CEP83: variants seen among roughly 807,000 people sequenced by gnomAD.
CEP83 encodes centrosomal protein of 83 kDa.
In CEP83, 70 loss-of-function variants were observed where a neutral mutation model predicts 101.9. That is an observed-to-expected ratio of 0.69 (90% CI 0.57 to 0.84). The LOEUF (loss-of-function observed/expected upper bound fraction) is 0.84. Among genes scored for constraint, CEP83 ranks in the 40% least tolerant of loss-of-function variants. The pLI is 0.00. For missense variants in CEP83, 715 were observed against 787.2 expected, an observed-to-expected ratio of 0.91 and a Z score of 1.10; for synonymous variants, 264 against 267.9, an observed-to-expected ratio of 0.99 and a Z score of 0.14.
chr12:94,282,251 G>A, the CEP83 span: 5 of 1,281,258 alleles, frequency 3.9e-6, no homozygotes, highest in Non-Finnish European at 5.6e-6. Context: ...AAGTAAAGTG[G>A]TGGCATTTTA....
intron 11 of CEP83, among the ~76,000 whole-genome samples, chr12:94,361,765 G>C (rs891887187): frequency 6.6e-6 from 1 of 151,786 alleles, no homozygotes; most frequent in African/African-American, 2.4e-5. Context: ...GCAATGGCAT[G>C]GTCTCGGCTC....
intron 2 of CEP83, among the ~76,000 whole-genome samples, chr12:94,417,583 G>C (rs2064377878): frequency 6.6e-6 from 1 of 152,124 alleles, no homozygotes; most frequent in Admixed American, 6.5e-5. Flanking sequence ...GAGGTCAGGA[G>C]TTCGAGACCA....
intron 4 of CEP83, among the ~76,000 whole-genome samples, chr12:94,406,806 A>G (rs895948326): frequency 2.6e-5 from 4 of 152,000 alleles, no homozygotes; most frequent in African/African-American, 7.3e-5. Flanking sequence ...GGGCACCTAT[A>G]GTCCCAGCTA....
At chr12:94,376,722 CACACACACACAT>C (rs1198367725) in intron 7 of CEP83, among the ~76,000 whole-genome samples, 1 of 121,902 alleles carries the variant, frequency 8.2e-6, no homozygotes, top group African/African-American at 3.1e-5. Flanking sequence ...CACACACACA[CACACACACACAT>C]ATATATATAT....
At chr12:94,430,427 T>C (rs1015278246) in intron 2 of CEP83, among the ~76,000 whole-genome samples, 1 of 151,454 alleles carries the variant, frequency 6.6e-6, no homozygotes, top group Admixed American at 6.6e-5. Context: ...ATAGGTATCA[T>C]TAAAAAAAAA....
chr12:94,331,356 C>CTTTTT (rs2059206758), intron 14 of CEP83, among the ~76,000 whole-genome samples: 2 of 105,308 alleles, frequency 1.9e-5, no homozygotes, highest in African/African-American at 3.4e-5. Context: ...CACCTTTTTT[C>CTTTTT]CTTTTTTTTT....
intron 2 of CEP83, among the ~76,000 whole-genome samples, chr12:94,413,963 G>A (rs887091905): frequency 4.6e-5 from 7 of 151,454 alleles, no homozygotes; most frequent in African/African-American, 1.5e-4. Context: ...TATGCAAACC[G>A]ACCATTAAAT....
At chr12:94,448,605 T>C (rs1414797296) in intron 1 of CEP83, among the ~76,000 whole-genome samples, 1 of 152,176 alleles carries the variant, frequency 6.6e-6, no homozygotes. Context: ...ACAATGGAAT[T>C]AGTCATCCGA....
At chr12:94,301,096 T>C in the CEP83 span, 7 of 1,589,808 alleles carry the variant, frequency 4.4e-6, no homozygotes, top group African/African-American at 5.4e-5. Context: ...TGCAGTCTTA[T>C]GAGTTTGACA....
chr12:94,441,935 A>AC (rs2066438913), intron 1 of CEP83, among the ~76,000 whole-genome samples: 3 of 151,416 alleles, frequency 2.0e-5, no homozygotes, highest in Non-Finnish European at 4.4e-5. Context: ...AAAAAAAAAA[A>AC]AACTAAAAGT....
the CEP83 span, among the ~76,000 whole-genome samples, chr12:94,270,745 A>G: frequency 1.1e-4 from 17 of 151,562 alleles, no homozygotes; most frequent in Non-Finnish European, 1.8e-4. Flanking sequence ...CCTAAATTTG[A>G]GAAAATTATC....
the CEP83 span, among the ~76,000 whole-genome samples, chr12:94,285,691 G>A: frequency 3.3e-5 from 5 of 152,276 alleles, no homozygotes; most frequent in African/African-American, 4.8e-5. Context: ...GGAGGAGATC[G>A]GAGTCAGAGA....
chr12:94,279,672 T>C, the CEP83 span: 13 of 1,609,434 alleles, frequency 8.1e-6, no homozygotes, highest in South Asian at 1.4e-4. Flanking sequence ...GGGAGCTATG[T>C]GGTCCCAGGC....
At chr12:94,419,635 G>A (rs1179867369) in intron 2 of CEP83, among the ~76,000 whole-genome samples, 1 of 152,098 alleles carries the variant, frequency 6.6e-6, no homozygotes, top group Non-Finnish European at 1.5e-5. Context: ...GGTATAGTAT[G>A]CCATTGGCTT....
At chr12:94,268,979 GACTC>G in the CEP83 span, among the ~76,000 whole-genome samples, 1 of 152,116 alleles carries the variant, frequency 6.6e-6, no homozygotes, top group East Asian at 1.9e-4. Context: ...GAGTATCTCA[GACTC>G]ACTCAGCTTA....
chr12:94,345,185 A>C (rs139892884), intron 11 of CEP83, among the ~76,000 whole-genome samples: 1 of 152,318 alleles, frequency 6.6e-6, no homozygotes, highest in Admixed American at 6.5e-5. Flanking sequence ...GAAGAAAACA[A>C]ATATCTTTTT....
At chr12:94,346,625 A>T (rs1232717219) in intron 11 of CEP83, among the ~76,000 whole-genome samples, 2 of 152,156 alleles carry the variant, frequency 1.3e-5, no homozygotes, top group African/African-American at 4.8e-5. Flanking sequence ...AAATGGTGGC[A>T]ATCTTGTGGG....
chr12:94,444,531 CTAAT>C (rs1014519605), intron 1 of CEP83, among the ~76,000 whole-genome samples: 108 of 152,348 alleles, frequency 7.1e-4, no homozygotes, highest in African/African-American at 2.6e-3. Context: ...TCCTGAGAAA[CTAAT>C]TAGAGATGCA....
chr12:94,275,771 C>T, the CEP83 span, among the ~76,000 whole-genome samples: 8 of 94,996 alleles, frequency 8.4e-5, 1 homozygote, highest in Admixed American at 1.3e-4. Flanking sequence ...AGGAGAATGG[C>T]GTGAACCCGG....
Sources: gnomAD v4.1 joint callset for allele counts (sites outside exome capture counted in the v4.1 genomes callset) on GRCh38, gnomAD v4.1.1 for gene constraint, MANE v1.5 for transcripts, NCBI Gene and HGNC (gene_info 2026-07-23, HGNC 2026-07-21) for gene names.